TMEM132D: variants seen among roughly 807,000 people sequenced by gnomAD.
TMEM132D encodes the protein transmembrane protein 132D.
A neutral mutation model predicts 62.3 loss-of-function variants in TMEM132D; 21 were observed. The observed-to-expected ratio is 0.34, with a 90% CI of 0.24 to 0.49. The LOEUF is 0.49. TMEM132D is among the 20% of genes least tolerant of loss of function. TMEM132D has a pLI of 0.99. For missense variants in TMEM132D, 1,346 were observed against 1,402.8 expected (o/e 0.96, Z 0.65); for synonymous variants, 621 against 575.6 (o/e 1.08, Z -1.13).
At chr12:129,674,577 T>C (rs545505226) in intron 2 of TMEM132D, among the ~76,000 whole-genome samples, 46 of 152,260 alleles carry the variant, frequency 3.0e-4, no homozygotes, top group African/African-American at 1.1e-3. Context: ...CTCAAAACAG[T>C]CACCTGGGCT....
intron 4 of TMEM132D, among the ~76,000 whole-genome samples, chr12:129,251,229 T>C (rs1880254764): frequency 1.3e-5 from 2 of 151,720 alleles, no homozygotes; most frequent in South Asian, 4.2e-4. Context: ...TGTGGTAGTG[T>C]GCGCCTGTAA....
At chr12:129,274,804 G>C (rs1593319666) in intron 4 of TMEM132D, among the ~76,000 whole-genome samples, 1 of 152,062 alleles carries the variant, frequency 6.6e-6, no homozygotes, top group Non-Finnish European at 1.5e-5. Context: ...GGAGAATGGC[G>C]TGAACCCGGG....
At chr12:129,540,181 T>A (rs1876545967) in intron 2 of TMEM132D, among the ~76,000 whole-genome samples, 1 of 152,118 alleles carries the variant, frequency 6.6e-6, no homozygotes, top group East Asian at 1.9e-4. Context: ...CTGGTTTGCC[T>A]CCTGACAGTC....
intron 1 of TMEM132D, among the ~76,000 whole-genome samples, chr12:129,864,153 C>T (rs1873985902): frequency 6.6e-6 from 1 of 152,182 alleles, no homozygotes; most frequent in East Asian, 1.9e-4. Flanking sequence ...TGAGGAGACT[C>T]AAGCAGCCCC....
intron 1 of TMEM132D, among the ~76,000 whole-genome samples, chr12:129,768,807 G>A (rs2137280880): frequency 6.6e-6 from 1 of 152,182 alleles, no homozygotes; most frequent in Admixed American, 6.5e-5. Flanking sequence ...CAAATAAATT[G>A]GGCTTTCTGC....
In TMEM132D at chr12:129,074,698, C is replaced by T. The variant is rs971265703; in HGVS notation, c.2477G>A (p.Arg826Lys). The T allele has an allele frequency of 3.0e-5, 49 of 1,613,938 alleles. No individual in the cohort carries two copies. The highest frequency in any genetic ancestry group is 4.1e-5 in the Non-Finnish European group (48 of 1,180,032). Residue 826 changes from arginine (R) to lysine (K), a missense_variant, in exon 9 of 9, where the codon AGG becomes AAG. Coordinates refer to ENST00000422113, the MANE Select transcript of TMEM132D (RefSeq NM_133448.3). ...VHMENNVSDR[R>K]PKKPSQEWGS... Reference sequence around the variant, plus strand: ...CCATTCCTGCGAGGGTTTTTTGGGCCTTCTGTCACTGACATTGTTTTCCAT... The same window carrying T: ...CCATTCCTGCGAGGGTTTTTTGGGCTTTCTGTCACTGACATTGTTTTCCAT...
intron 5 of TMEM132D, chr12:129,109,658 CTGCTTT>C (rs1436259213): frequency 6.3e-6 from 1 of 159,708 alleles, no homozygotes; most frequent in Non-Finnish European, 1.3e-5. Context: ...TCCGGTGTTT[CTGCTTT>C]TGCTTCCTCC....
intron 3 of TMEM132D, 66 bp from the exon 4 acceptor site, chr12:129,337,883 A>G (rs1869345565): frequency 6.7e-7 from 1 of 1,503,720 alleles, no homozygotes; most frequent in African/African-American, 1.4e-5. Flanking sequence ...CTTGGCAGAG[A>G]GTGGGCGGCC....
intron 3 of TMEM132D, among the ~76,000 whole-genome samples, chr12:129,444,224 C>T (rs1331823603): frequency 6.6e-6 from 1 of 152,106 alleles, no homozygotes; most frequent in African/African-American, 2.4e-5. Flanking sequence ...ATGAAGACAT[C>T]AAAAGCAATT....
chr12:129,686,620 G>A (rs1880927729), intron 2 of TMEM132D, among the ~76,000 whole-genome samples: 1 of 152,078 alleles, frequency 6.6e-6, no homozygotes, highest in African/African-American at 2.4e-5. Flanking sequence ...AAAAACAGCT[G>A]GACTGAATCC....
chr12:129,219,448 C>T (rs1475875838), intron 4 of TMEM132D, among the ~76,000 whole-genome samples: 1 of 152,154 alleles, frequency 6.6e-6, no homozygotes, highest in Non-Finnish European at 1.5e-5. Context: ...CAGGGAATGA[C>T]AAGTCTTCGC....
rs189234310 is a variant in TMEM132D at position 129,328,327 on chromosome 12, C to G, written c.1299+9307G>C. On this transcript the variant is annotated intron_variant, in intron 4 of 8. Coordinates refer to ENST00000422113, the MANE Select transcript of TMEM132D (RefSeq NM_133448.3). ...AGGCAAGTGCCCAGCACAAAGTGAG[C>G]TCAGGAAATGCTTTTCAAATGGACT... Among the ~76,000 whole-genome samples the G allele has an allele frequency of 2.6e-5, 4 of 152,348 alleles. No homozygotes were observed. The East Asian group carries it at 5.8e-4, about 22-fold the overall frequency.
intron 3 of TMEM132D, among the ~76,000 whole-genome samples, chr12:129,519,480 A>G (rs1393540267): frequency 1.3e-5 from 2 of 152,222 alleles, no homozygotes; most frequent in Non-Finnish European, 2.9e-5. Context: ...GCCGCATTTC[A>G]ATATAGCTGC....
At chr12:129,475,661 A>G (rs1186021240) in intron 3 of TMEM132D, among the ~76,000 whole-genome samples, 1 of 152,252 alleles carries the variant, frequency 6.6e-6, no homozygotes, top group Admixed American at 6.5e-5. Flanking sequence ...CAAAAGAGGT[A>G]TAACTGCTTC....
At chr12:129,243,506 T>C (rs1021844604) in intron 4 of TMEM132D, among the ~76,000 whole-genome samples, 1 of 152,214 alleles carries the variant, frequency 6.6e-6, no homozygotes, top group East Asian at 1.9e-4. Flanking sequence ...CTTAACCTTG[T>C]CCTATTCTTT....
At chr12:129,352,911 G>T (rs931973703) in intron 3 of TMEM132D, among the ~76,000 whole-genome samples, 1 of 152,154 alleles carries the variant, frequency 6.6e-6, no homozygotes, top group African/African-American at 2.4e-5. Context: ...CCATTACTGG[G>T]TATATACCCA....
At chr12:129,536,505 C>A (rs573197625) in intron 2 of TMEM132D, among the ~76,000 whole-genome samples, 1 of 152,148 alleles carries the variant, frequency 6.6e-6, no homozygotes, top group African/African-American at 2.4e-5. Context: ...TTTATGGAAA[C>A]GCTACTTTCC....
chr12:129,251,251 C>T (rs1366065249), intron 4 of TMEM132D, among the ~76,000 whole-genome samples: 5 of 148,362 alleles, frequency 3.4e-5, no homozygotes, highest in Non-Finnish European at 7.4e-5. Context: ...CTCAGCTACT[C>T]GGGAGGCTGA....
chr12:129,150,411 A>T (rs574729890), intron 5 of TMEM132D, among the ~76,000 whole-genome samples: 2 of 152,280 alleles, frequency 1.3e-5, no homozygotes, highest in East Asian at 3.9e-4. Flanking sequence ...TTTATAATGT[A>T]TTTGTGTTTT....
Sources: allele counts gnomAD v4.1 joint callset (sites outside exome capture counted in the v4.1 genomes callset), GRCh38; gene constraint gnomAD v4.1.1; transcripts MANE v1.5; gene names NCBI Gene and HGNC (gene_info 2026-07-23, HGNC 2026-07-21).